Variants in ZFPM2 observed in about 807,000 individuals in gnomAD.
ZFPM2 encodes zinc finger protein ZFPM2.
A neutral mutation model predicts 98.6 loss-of-function variants in ZFPM2; 20 were observed. The observed-to-expected ratio is 0.20, with a 90% CI of 0.14 to 0.29. The LOEUF (loss-of-function observed/expected upper bound fraction) is 0.29. Among genes scored for constraint, ZFPM2 ranks in the 10% least tolerant of loss-of-function variants. The pLI is 1.00. For synonymous variants in ZFPM2, 518 were observed against 502.7 expected (o/e 1.03, Z -0.41); for missense variants, 1,310 against 1,388.6 (o/e 0.94, Z 0.90).
chr8:105,416,507 C>T (rs1216300406), intron 1 of ZFPM2, among the ~76,000 whole-genome samples: 1 of 151,276 alleles, frequency 6.6e-6, no homozygotes, highest in African/African-American at 2.4e-5. Flanking sequence ...TGAAGAGCAT[C>T]CAGAAAAATA....
At chr8:105,736,408 A>G (rs1043276664) in intron 5 of ZFPM2, among the ~76,000 whole-genome samples, 2 of 152,040 alleles carry the variant, frequency 1.3e-5, no homozygotes, top group African/African-American at 4.8e-5. Context: ...TCCAGACCCA[A>G]TGAATTTTGC....
chr8:105,535,989 CA>C lies in ZFPM2; in HGVS notation c.302-25372del, dbSNP rs562365679. Among the ~76,000 whole-genome samples, 905 of 152,256 alleles carry C rather than the reference CA, an allele frequency of 5.9e-3. 3 individuals are homozygous for C. Among genetic ancestry groups the C allele is most frequent in the Non-Finnish European group, 9.3e-3 (630 of 68,020 alleles). On this transcript the variant is annotated intron_variant, in intron 3 of 7. Transcript: ENST00000407775. ...AGAGATGGGAACTTGTCTGCATAGG[CA>C]ATAGGCCTTGACAGAGATCTTTGAG...
chr8:105,457,011 T>C (rs1812606708), intron 3 of ZFPM2, among the ~76,000 whole-genome samples: 1 of 152,232 alleles, frequency 6.6e-6, no homozygotes, highest in African/African-American at 2.4e-5. Flanking sequence ...CTTTGGTTTA[T>C]CAAATAGCTT....
chr8:105,773,660 TAAATAAA>T (rs1813034492), intron 5 of ZFPM2, among the ~76,000 whole-genome samples: 3 of 149,770 alleles, frequency 2.0e-5, no homozygotes, highest in African/African-American at 7.3e-5. Context: ...AGAAAAAAGA[TAAATAAA>T]ATAAAAATAA....
At chr8:105,339,132 A>C (rs1025184121) in intron 1 of ZFPM2, among the ~76,000 whole-genome samples, 1 of 151,864 alleles carries the variant, frequency 6.6e-6, no homozygotes, top group Non-Finnish European at 1.5e-5. Flanking sequence ...CTTTATTTTT[A>C]AAAGTAGTTT....
chr8:105,426,441 C>G (rs928955273), intron 2 of ZFPM2, among the ~76,000 whole-genome samples: 2 of 152,126 alleles, frequency 1.3e-5, no homozygotes, highest in African/African-American at 4.8e-5. Flanking sequence ...TGAACAGCCC[C>G]CAGCTTTGCT....
At chr8:105,625,259 C>A (rs529928526) in intron 4 of ZFPM2, among the ~76,000 whole-genome samples, 3 of 152,080 alleles carry the variant, frequency 2.0e-5, no homozygotes, top group Admixed American at 2.0e-4. Context: ...TTTTTTCAAG[C>A]AATGCAACTT....
At chr8:105,333,318 T>C (rs1359167146) in intron 1 of ZFPM2, among the ~76,000 whole-genome samples, 1 of 151,770 alleles carries the variant, frequency 6.6e-6, no homozygotes, top group Non-Finnish European at 1.5e-5. Flanking sequence ...GAATATTTTA[T>C]TGAGGCTAGA....
At chr8:105,604,218 T>G (rs991800160) in intron 4 of ZFPM2, among the ~76,000 whole-genome samples, 2 of 152,016 alleles carry the variant, frequency 1.3e-5, no homozygotes, top group African/African-American at 4.8e-5. Context: ...ATCTGGGAGT[T>G]AGCCTTAATT....
chr8:105,602,621 G>A (rs1410419211), intron 4 of ZFPM2, among the ~76,000 whole-genome samples: 2 of 151,960 alleles, frequency 1.3e-5, no homozygotes, highest in Non-Finnish European at 2.9e-5. Flanking sequence ...TATATTAAAT[G>A]GCTCATGCCT....
chr8:105,775,747 GC>G (rs1813091196), intron 5 of ZFPM2, among the ~76,000 whole-genome samples: 1 of 152,026 alleles, frequency 6.6e-6, no homozygotes, highest in South Asian at 2.1e-4. Flanking sequence ...CTACCTCAGT[GC>G]CCCACCGCAA....
At chr8:105,699,329 A>T (rs1811089723) in intron 5 of ZFPM2, among the ~76,000 whole-genome samples, 1 of 152,106 alleles carries the variant, frequency 6.6e-6, no homozygotes, top group South Asian at 2.1e-4. Context: ...TAGATTTTAA[A>T]TTGCTTTCCA....
intron 1 of ZFPM2, among the ~76,000 whole-genome samples, chr8:105,351,864 G>A (rs569549874): frequency 4.0e-4 from 60 of 151,820 alleles, no homozygotes; most frequent in Middle Eastern, 6.8e-3. Flanking sequence ...CAAAACTTTC[G>A]ATATTTAATC....
At chr8:105,407,245 T>C (rs1563644709) in intron 1 of ZFPM2, among the ~76,000 whole-genome samples, 1 of 151,374 alleles carries the variant, frequency 6.6e-6, no homozygotes, top group Non-Finnish European at 1.5e-5. Context: ...GGCAGGGAAA[T>C]AATAACTGAA....
chr8:105,502,981 G>T (rs1303633531), intron 3 of ZFPM2, among the ~76,000 whole-genome samples: 1 of 152,128 alleles, frequency 6.6e-6, no homozygotes, highest in Non-Finnish European at 1.5e-5. Flanking sequence ...TGGTATAGAG[G>T]CATGTAGATA....
intron 1 of ZFPM2, among the ~76,000 whole-genome samples, chr8:105,410,512 A>G (rs1439893231): frequency 6.6e-6 from 1 of 151,894 alleles, no homozygotes; most frequent in African/African-American, 2.4e-5. Context: ...TCCGTGCCCC[A>G]TTTAAAACAT....
intron 5 of ZFPM2, among the ~76,000 whole-genome samples, chr8:105,717,063 G>C (rs1259337261): frequency 6.6e-6 from 1 of 152,020 alleles, no homozygotes. Context: ...TGCTTCTCCA[G>C]CAGCACCTGC....
At chr8:105,558,281 A>G (rs556244032) in intron 3 of ZFPM2, among the ~76,000 whole-genome samples, 4 of 152,188 alleles carry the variant, frequency 2.6e-5, no homozygotes, top group Non-Finnish European at 5.9e-5. Context: ...GTTTTTAGAA[A>G]TGCTATTGTG....
At chr8:105,795,362 C>T (rs1813766926) in intron 6 of ZFPM2, among the ~76,000 whole-genome samples, 1 of 151,434 alleles carries the variant, frequency 6.6e-6, no homozygotes, top group Non-Finnish European at 1.5e-5. Flanking sequence ...CACACACACA[C>T]ACACACACAC....
Sources: gnomAD v4.1 joint callset for allele counts (sites outside exome capture counted in the v4.1 genomes callset) on GRCh38, gnomAD v4.1.1 for gene constraint, MANE v1.5 for transcripts, NCBI Gene and HGNC (gene_info 2026-07-23, HGNC 2026-07-21) for gene names.